Variants in RASGRP3 observed in about 807,000 individuals in gnomAD.
RASGRP3 encodes the protein RAS guanyl releasing protein 3, also known as ras guanyl-releasing protein 3.
RASGRP3 carries 54 observed loss-of-function variants against 82.7 expected under a neutral mutation model. The ratio of observed to expected loss-of-function variants is 0.65; its 90% CI spans 0.52 to 0.82. The LOEUF (loss-of-function observed/expected upper bound fraction) is 0.82. Among genes scored for constraint, RASGRP3 ranks in the 40% least tolerant of loss-of-function variants. The pLI is 0.00. For synonymous variants in RASGRP3, 309 were observed against 300.5 expected (o/e 1.03, Z -0.29); for missense variants, 861 against 828.9 (o/e 1.04, Z -0.48).
intron 7 of RASGRP3, among the ~76,000 whole-genome samples, chr2:33,522,345 G>C (rs776325546): frequency 6.6e-6 from 1 of 152,094 alleles, no homozygotes; most frequent in African/African-American, 2.4e-5. Flanking sequence ...GGATTAAAGC[G>C]TGATTTTTCT....
intron 1 of RASGRP3, among the ~76,000 whole-genome samples, chr2:33,500,435 T>G (rs1669755696): frequency 6.6e-6 from 1 of 151,986 alleles, no homozygotes; most frequent in South Asian, 2.1e-4. Context: ...GGATGACAGC[T>G]TGAACCCAGG....
rs1309565194 is a variant in RASGRP3, at chr2:33,559,056, A to T, written c.2064+26A>T. The stretch of plus-strand genomic sequence containing the variant: ...GTAAGTGCTAGGTCAACCCACAAAG[A>T]AAACCAGAAGAAGGAGGCTGAAAGT... On this transcript the variant is annotated intron_variant, in intron 17 of 17. Transcript: ENST00000403687. 7 of 1,537,036 alleles carry T rather than the reference A, an allele frequency of 4.6e-6. No individual in the cohort carries two copies. In the East Asian group the frequency reaches 9.1e-5, roughly 20 times the overall value.
intron 2 of RASGRP3, among the ~76,000 whole-genome samples, chr2:33,514,252 T>C (rs1055474045): frequency 1.3e-5 from 2 of 152,200 alleles, no homozygotes; most frequent in Non-Finnish European, 2.9e-5. Context: ...TGAATATTTA[T>C]GTAATCATTG....
At position 33,558,840 on chromosome 2, in the gene RASGRP3, G is replaced by C. The variant is rs749778639; in HGVS notation, c.1874G>C (p.Trp625Ser). Residue 625 changes from tryptophan to serine, a missense_variant, in exon 17 of 18, where the codon TGG becomes TCG. Trp to Ser is a radical substitution (Grantham distance 177). Transcript: ENST00000403687. ...QTEPVWSEAG[W>S]GDSGSHTFPK... ...GAACCTGTCTGGTCAGAGGCTGGCT[G>C]GGGGGACTCGGGGTCCCACACCTTC... 1 of 1,613,964 alleles carries C rather than the reference G, an allele frequency of 6.2e-7. No homozygotes were observed. Among genetic ancestry groups the C allele is most frequent in the Non-Finnish European group, 8.5e-7 (1 of 1,179,882 alleles).
At chr2:33,481,113 A>T (rs1047956082) in intron 1 of RASGRP3, 1 of 152,260 alleles carries the variant, frequency 6.6e-6, no homozygotes. Context: ...TCTCTTGTCT[A>T]CTGACTCCAA....
rs2151134428 is a variant in RASGRP3 at position 33,564,295 on chromosome 2, C to A, written c.*1558C>A. 6.6e-6 allele frequency: 1 copy of A among 152,240 alleles called. No individual in the cohort carries two copies. Among genetic ancestry groups the A allele is most frequent in the South Asian group, 2.1e-4 (1 of 4,816 alleles). The allele number at this position is 152,240 out of a possible 1,614,324, so 9.4% of individuals were successfully genotyped here. ...ATACGCTAAAACCAACTTGTGCCAA[C>A]CAGATTTACAGATTGGAAATACTGC... On this transcript the variant is annotated 3_prime_UTR_variant, in exon 18 of 18. Coordinates refer to ENST00000403687, the MANE Select transcript of RASGRP3 (RefSeq NM_001139488.2).
Position 33,494,212 on chromosome 2 carries a change from A to C in RASGRP3, c.-260-17498A>C, listed in dbSNP as rs189083061. Among the ~76,000 whole-genome samples, 34 of 152,338 alleles carry C rather than the reference A, an allele frequency of 2.2e-4. No individual in the cohort carries two copies. In the East Asian group the frequency reaches 6.6e-3, roughly 29 times the overall value. ...GACATATTCTGTGTCGCCTACTAGCACAACCTCTTTCTCTGTTGGAGCTAC... is the reference window on the plus strand; with the variant it reads ...GACATATTCTGTGTCGCCTACTAGCCCAACCTCTTTCTCTGTTGGAGCTAC... On this transcript the variant is annotated intron_variant, in intron 1 of 17. Coordinates refer to ENST00000403687, the MANE Select transcript of RASGRP3 (RefSeq NM_001139488.2).
chr2:33,548,360 C>CA (rs775598057), intron 13 of RASGRP3, among the ~76,000 whole-genome samples: 4,018 of 78,504 alleles, frequency 0.051, 156 homozygotes, highest in South Asian at 0.1. Flanking sequence ...GACTCCGTCT[C>CA]AAAAAAAAAA....
chr2:33,441,703 C>G (rs1223871586), intron 1 of RASGRP3, among the ~76,000 whole-genome samples: 1 of 152,234 alleles, frequency 6.6e-6, no homozygotes, highest in Non-Finnish European at 1.5e-5. Flanking sequence ...GGCTACTAAA[C>G]TTTCAATGCA....
chr2:33,449,201 G>A (rs947761956), intron 2 of RASGRP3, among the ~76,000 whole-genome samples: 2 of 152,190 alleles, frequency 1.3e-5, no homozygotes, highest in Non-Finnish European at 2.9e-5. Context: ...AAGATCAGGT[G>A]CATGACACAT....
At chr2:33,551,340 C>A (rs1452113099) in intron 14 of RASGRP3, among the ~76,000 whole-genome samples, 1 of 151,950 alleles carries the variant, frequency 6.6e-6, no homozygotes, top group East Asian at 1.9e-4. Flanking sequence ...TCTCCTTTTT[C>A]ATGTTTCTCT....
At chr2:33,547,984 G>T (rs1464903584) in intron 13 of RASGRP3, among the ~76,000 whole-genome samples, 1 of 152,168 alleles carries the variant, frequency 6.6e-6, no homozygotes, top group Non-Finnish European at 1.5e-5. Context: ...TGTAGGGTTA[G>T]AAAACCAAGT....
At chr2:33,480,950 T>C (rs1030866397) in intron 1 of RASGRP3, among the ~76,000 whole-genome samples, 1 of 152,182 alleles carries the variant, frequency 6.6e-6, no homozygotes, top group African/African-American at 2.4e-5. Context: ...CATTTATATA[T>C]GCCGGCATAA....
At position 33,517,067 on chromosome 2, in the gene RASGRP3, A is replaced by G. The variant is rs557335822; in HGVS notation, c.173+423A>G. The stretch of plus-strand genomic sequence containing the variant: ...AAATAATATGCTCTTACTTGGGCAC[A>G]AACATCAATTTAGTTTTCACATCTC... On this transcript the variant is annotated intron_variant, in intron 4 of 17. Transcript: ENST00000403687. Among the ~76,000 whole-genome samples, 6 of 152,366 alleles carry G rather than the reference A, an allele frequency of 3.9e-5. No individual in the cohort carries two copies. The South Asian group carries it at 1.0e-3, about 26-fold the overall frequency.
intron 10 of RASGRP3, among the ~76,000 whole-genome samples, chr2:33,529,699 A>C (rs1433921841): frequency 2.0e-5 from 3 of 152,102 alleles, no homozygotes; most frequent in African/African-American, 7.2e-5. Flanking sequence ...CCTTGCTTTC[A>C]GCCTTCCCTC....
intron 1 of RASGRP3, among the ~76,000 whole-genome samples, chr2:33,504,796 G>C (rs1428161203): frequency 6.6e-6 from 1 of 151,012 alleles, no homozygotes; most frequent in Non-Finnish European, 1.5e-5. Context: ...CTTGGAGATT[G>C]TCATCTGGAT....
At chr2:33,445,109 A>G (rs1180331180) in intron 1 of RASGRP3, among the ~76,000 whole-genome samples, 1 of 152,220 alleles carries the variant, frequency 6.6e-6, no homozygotes. Context: ...GAAGTATGCT[A>G]TAATAATCTT....
chr2:33,474,204 A>C (rs949432234), upstream of RASGRP3, among the ~76,000 whole-genome samples: 2 of 152,084 alleles, frequency 1.3e-5, no homozygotes, highest in African/African-American at 4.8e-5. Flanking sequence ...CCCAAATCTC[A>C]TGTTGAGATG....
upstream of RASGRP3, among the ~76,000 whole-genome samples, chr2:33,472,511 C>T (rs778305138): frequency 2.0e-5 from 3 of 151,898 alleles, no homozygotes; most frequent in South Asian, 4.1e-4. Flanking sequence ...ATATGAGGGG[C>T]GGTAAGAGTG....
Sources: allele counts gnomAD v4.1 joint callset (sites outside exome capture counted in the v4.1 genomes callset), GRCh38; gene constraint gnomAD v4.1.1; transcripts MANE v1.5; gene names NCBI Gene and HGNC (gene_info 2026-07-23, HGNC 2026-07-21).